Variants in FNDC3B observed in about 807,000 individuals in gnomAD.
FNDC3B encodes fibronectin type III domain-containing protein 3B.
Under a neutral mutation model 151.5 loss-of-function variants are expected in FNDC3B, and 12 were observed. The observed-to-expected ratio is 0.08, with a 90% CI of 0.05 to 0.13. The LOEUF is 0.13. Ranked by LOEUF, FNDC3B falls within the 10% of genes least tolerant of loss-of-function variation. FNDC3B has a pLI of 1.00. For synonymous variants in FNDC3B, 528 were observed against 549.0 expected (o/e 0.96, Z 0.54); for missense variants, 1,214 against 1,505.3 (o/e 0.81, Z 3.20).
intron 1 of FNDC3B, among the ~76,000 whole-genome samples, chr3:172,094,063 G>A (rs1387480007): frequency 9.9e-5 from 13 of 131,482 alleles, no homozygotes; most frequent in African/African-American, 3.2e-4. Flanking sequence ...CTAGAACATC[G>A]GCATTGTGTA....
intron 10 of FNDC3B, among the ~76,000 whole-genome samples, chr3:172,307,934 G>A (rs1314489076): frequency 6.6e-6 from 1 of 152,082 alleles, no homozygotes; most frequent in African/African-American, 2.4e-5. Context: ...AAGTGATATA[G>A]GTACTTAAAA....
At chr3:172,312,265 G>A (rs1026988820) in intron 11 of FNDC3B, among the ~76,000 whole-genome samples, 10 of 152,176 alleles carry the variant, frequency 6.6e-5, no homozygotes, top group South Asian at 4.1e-4. Flanking sequence ...CAGAACAACC[G>A]TCTGTTGTTC....
At chr3:172,333,001 G>C in intron 13 of FNDC3B, 88 bp from the exon 14 acceptor site, 1 of 848,118 alleles carries the variant, frequency 1.2e-6, no homozygotes, top group South Asian at 1.3e-5. Context: ...TGATGGTAGG[G>C]AAAGGCAGTA....
chr3:172,162,694 A>G (rs910371575), intron 3 of FNDC3B, among the ~76,000 whole-genome samples: 1 of 127,744 alleles, frequency 7.8e-6, no homozygotes, highest in Middle Eastern at 4.5e-3. Flanking sequence ...ATACAATTTT[A>G]TGTGTTTTTT....
At chr3:172,168,741 G>A (rs1723134479) in intron 3 of FNDC3B, among the ~76,000 whole-genome samples, 1 of 140,700 alleles carries the variant, frequency 7.1e-6, no homozygotes, top group South Asian at 2.2e-4. Flanking sequence ...TTTTGAGATG[G>A]AGTCTCTGCC....
chr3:172,330,453 G>A, intron 12 of FNDC3B, 88 bp from the exon 13 acceptor site: 1 of 1,163,134 alleles, frequency 8.6e-7, no homozygotes, highest in Non-Finnish European at 1.2e-6. Flanking sequence ...GGCTGAGTTG[G>A]GTAGTGTGCA....
intron 14 of FNDC3B, 28 bp from the exon 15 acceptor site, chr3:172,334,916 T>A: frequency 1.2e-6 from 2 of 1,602,206 alleles, no homozygotes; most frequent in Non-Finnish European, 1.7e-6. Context: ...AACTAAATCA[T>A]GTTAACGTTT....
intron 3 of FNDC3B, among the ~76,000 whole-genome samples, chr3:172,181,559 G>T (rs9819835): frequency 0.036 from 5,476 of 151,968 alleles, 345 homozygotes; most frequent in African/African-American, 0.13. Context: ...AGCCAGGCGT[G>T]GTGGCTCATG....
intron 2 of FNDC3B, among the ~76,000 whole-genome samples, chr3:172,119,499 G>A (rs1019102004): frequency 6.6e-6 from 1 of 152,140 alleles, no homozygotes; most frequent in African/African-American, 2.4e-5. Flanking sequence ...TGGGATAAGT[G>A]GGCAGGAAAA....
intron 3 of FNDC3B, among the ~76,000 whole-genome samples, chr3:172,150,616 A>T (rs1014337124): frequency 2.6e-5 from 4 of 151,812 alleles, no homozygotes; most frequent in African/African-American, 9.7e-5. Flanking sequence ...CTTTTTTTTT[A>T]AATGTCTCTA....
At chr3:172,328,008 A>G (rs533650019) in intron 11 of FNDC3B, among the ~76,000 whole-genome samples, 1 of 152,348 alleles carries the variant, frequency 6.6e-6, no homozygotes, top group East Asian at 1.9e-4. Context: ...GATAATGTGG[A>G]TATGGGTAGG....
intron 1 of FNDC3B, among the ~76,000 whole-genome samples, chr3:172,076,065 T>A (rs895974079): frequency 6.6e-6 from 1 of 152,212 alleles, no homozygotes; most frequent in Admixed American, 6.5e-5. Context: ...AAGCTTTTTC[T>A]TTCGTGATTT....
intron 3 of FNDC3B, chr3:172,186,794 T>C (rs1182518838): frequency 1.4e-6 from 1 of 699,442 alleles, no homozygotes; most frequent in Non-Finnish European, 2.6e-6. Context: ...TCATGTTTCA[T>C]GATCTGTGTC....
At chr3:172,331,519 G>A (rs1358242260) in intron 13 of FNDC3B, among the ~76,000 whole-genome samples, 16 of 152,092 alleles carry the variant, frequency 1.1e-4, no homozygotes, top group East Asian at 5.8e-4. Context: ...CACCACACCC[G>A]GCTAATTTTT....
At chr3:172,289,046 C>T (rs537113258) in intron 7 of FNDC3B, among the ~76,000 whole-genome samples, 6 of 152,250 alleles carry the variant, frequency 3.9e-5, no homozygotes, top group South Asian at 2.1e-4. Context: ...AATTGAATGG[C>T]GTAAAACAGT....
chr3:172,069,679 T>G (rs1001553146), intron 1 of FNDC3B, among the ~76,000 whole-genome samples: 3 of 152,238 alleles, frequency 2.0e-5, no homozygotes, highest in Non-Finnish European at 4.4e-5. Flanking sequence ...TCTGGCCAGG[T>G]GGCTCTTGTT....
chr3:172,249,127 C>G (rs2108773192), intron 5 of FNDC3B, among the ~76,000 whole-genome samples: 1 of 151,836 alleles, frequency 6.6e-6, no homozygotes, highest in African/African-American at 2.4e-5. Flanking sequence ...GTATTCAGTG[C>G]TTTGACTCAA....
At chr3:172,098,462 G>GGTA (rs1719198239) in intron 1 of FNDC3B, among the ~76,000 whole-genome samples, 1 of 152,054 alleles carries the variant, frequency 6.6e-6, no homozygotes, top group Admixed American at 6.6e-5. Flanking sequence ...CACAGTGGTC[G>GGTA]GTATTTAAGG....
In FNDC3B at chr3:172,056,222, TA is replaced by T. The variant is rs531578367; in HGVS notation, c.-29+16457del. 2.8e-3 allele frequency among the ~76,000 whole-genome samples: 419 copies of T among 150,228 alleles called. 1 individual carries two copies. The highest frequency in any genetic ancestry group is 9.3e-3 in the African/African-American group (376 of 40,646). On this transcript the variant is annotated intron_variant, in intron 1 of 25. Coordinates refer to ENST00000415807, the MANE Select transcript of FNDC3B (RefSeq NM_022763.4). Reference sequence around the variant, plus strand: ...AGACTAATGAAGGACTTTTTTTTTTTAAAAAATGTATTTTTAACACAGATTG... The same window carrying T: ...AGACTAATGAAGGACTTTTTTTTTTTAAAAATGTATTTTTAACACAGATTG...
Sources: gnomAD v4.1 joint callset for allele counts (sites outside exome capture counted in the v4.1 genomes callset) on GRCh38, gnomAD v4.1.1 for gene constraint, MANE v1.5 for transcripts, NCBI Gene and HGNC (gene_info 2026-07-23, HGNC 2026-07-21) for gene names.